The following RBFOX1 variants were observed in gnomAD, a reference collection of about 807,000 sequenced individuals.
The protein encoded by RBFOX1 is RNA binding fox-1 homolog 1.
Under a neutral mutation model 57.7 loss-of-function variants are expected in RBFOX1, and 8 were observed. The ratio of observed to expected loss-of-function variants is 0.14; its 90% CI spans 0.08 to 0.25. The LOEUF (loss-of-function observed/expected upper bound fraction) is 0.25. RBFOX1 is among the 10% of genes least tolerant of loss of function. The pLI, the probability that RBFOX1 is intolerant of heterozygous loss-of-function variation, is 1.00. For missense variants in RBFOX1, 611 were observed against 548.5 expected, an observed-to-expected ratio of 1.11 and a Z score of -1.14; for synonymous variants, 326 against 222.4, an observed-to-expected ratio of 1.47 and a Z score of -4.15.
chr16:6,627,070 C>A (rs1012071033), intron 2 of RBFOX1, among the ~76,000 whole-genome samples: 1 of 152,216 alleles, frequency 6.6e-6, no homozygotes, highest in East Asian at 1.9e-4. Flanking sequence ...CTAGTCCTGG[C>A]GGTCTGGCTC....
At chr16:7,454,542 T>C (rs1170648664) in intron 4 of RBFOX1, among the ~76,000 whole-genome samples, 2 of 152,136 alleles carry the variant, frequency 1.3e-5, no homozygotes, top group Non-Finnish European at 2.9e-5. Context: ...TGTGAGAAAG[T>C]GTAAACTGAA....
At chr16:6,788,930 C>T (rs1176317951) in intron 3 of RBFOX1, among the ~76,000 whole-genome samples, 2 of 152,104 alleles carry the variant, frequency 1.3e-5, no homozygotes, top group Non-Finnish European at 2.9e-5. Flanking sequence ...GCCAACTTCC[C>T]GAGTTCCTCC....
rs1000085117 is a variant in RBFOX1, at chr16:7,616,464, A to G, written c.676+9126A>G. On this transcript the variant is annotated intron_variant, in intron 10 of 15. Transcript: ENST00000550418. ...CAACTCTCAAACCTCAGCCCATGCT[A>G]TGGAGGTGTGAGGAACAGGAATTCA... Among the ~76,000 whole-genome samples, 12 of 152,350 alleles carry G rather than the reference A, an allele frequency of 7.9e-5. No homozygotes were observed. The Middle Eastern group carries it at 0.01, about 130-fold the overall frequency.
intron 4 of RBFOX1, among the ~76,000 whole-genome samples, chr16:7,486,166 A>C (rs1466090957): frequency 1.7e-5 from 2 of 117,904 alleles, no homozygotes; most frequent in African/African-American, 6.6e-5. Flanking sequence ...TTTGTTGGCC[A>C]GGCTGGAGTG....
chr16:5,287,870 A>C (rs1415978232), intron 1 of RBFOX1, among the ~76,000 whole-genome samples: 1 of 152,232 alleles, frequency 6.6e-6, no homozygotes, highest in Non-Finnish European at 1.5e-5. Flanking sequence ...CAAATGGCAG[A>C]GTCTTGGATG....
intron 2 of RBFOX1, among the ~76,000 whole-genome samples, chr16:6,502,062 T>C (rs767589427): frequency 1.3e-5 from 2 of 152,174 alleles, no homozygotes; most frequent in Admixed American, 6.5e-5. Context: ...TTTCCTAGTT[T>C]CCAGGGAATG....
chr16:6,372,106 G>A (rs977227924), intron 2 of RBFOX1, among the ~76,000 whole-genome samples: 3 of 152,044 alleles, frequency 2.0e-5, no homozygotes, highest in South Asian at 2.1e-4. Flanking sequence ...GTGGAGATTC[G>A]ATGGAAAAGT....
At chr16:6,652,408 A>C (rs1179236977) in intron 2 of RBFOX1, among the ~76,000 whole-genome samples, 1 of 151,992 alleles carries the variant, frequency 6.6e-6, no homozygotes, top group East Asian at 1.9e-4. Context: ...AGATCTCGCC[A>C]CTGCACTCCA....
chr16:5,651,895 G>C (rs1000025130), intron 3 of RBFOX1, among the ~76,000 whole-genome samples: 1 of 152,162 alleles, frequency 6.6e-6, no homozygotes, highest in African/African-American at 2.4e-5. Flanking sequence ...GCATTCGGAA[G>C]GCCAAGGCAG....
intron 4 of RBFOX1, among the ~76,000 whole-genome samples, chr16:7,053,633 C>T (rs1394139484): frequency 2.0e-5 from 3 of 152,084 alleles, no homozygotes; most frequent in Admixed American, 6.6e-5. Context: ...TAATGAAGGA[C>T]CTGTTTGCAT....
intron 1 of RBFOX1, among the ~76,000 whole-genome samples, chr16:5,285,365 A>T (rs913337872): frequency 1.3e-5 from 2 of 151,650 alleles, no homozygotes; most frequent in African/African-American, 4.8e-5. Context: ...TGTTTTCCTG[A>T]TTTTTTTGTA....
rs889487802 is a variant in RBFOX1 at position 6,097,082 on chromosome 16, G to A, written c.-127+77090G>A. Among the ~76,000 whole-genome samples, 2 of 152,076 alleles carry A rather than the reference G, an allele frequency of 1.3e-5. No homozygotes were observed. The highest frequency in any genetic ancestry group is 2.4e-5 in the African/African-American group (1 of 41,410). ...GTTTCCCCCATACTGTTGTCATGGT[G>A]GTGAGTAAGTCTTACTAGATCTGAT... On this transcript the variant is annotated intron_variant, in intron 1 of 15. Transcript: ENST00000550418. The surrounding 1 kb of genome is among the most constrained non-coding windows in gnomAD (Gnocchi z 5.0).
intron 4 of RBFOX1, among the ~76,000 whole-genome samples, chr16:7,144,672 AT>A (rs1386815335): frequency 6.6e-6 from 1 of 152,024 alleles, no homozygotes; most frequent in East Asian, 1.9e-4. Flanking sequence ...TCATTAAATG[AT>A]GGTTTTCACT....
chr16:6,628,288 C>T (rs17664902), intron 2 of RBFOX1, among the ~76,000 whole-genome samples: 5,959 of 152,262 alleles, frequency 0.039, 164 homozygotes, highest in Non-Finnish European at 0.046. Flanking sequence ...ACTGCTTTCC[C>T]GTTAACGGTT....
At chr16:5,640,159 C>T (rs1045519665) in intron 3 of RBFOX1, among the ~76,000 whole-genome samples, 3 of 152,152 alleles carry the variant, frequency 2.0e-5, no homozygotes, top group Non-Finnish European at 4.4e-5. Context: ...GACTGGGGCC[C>T]CTTCCTCAGC....
intron 1 of RBFOX1, among the ~76,000 whole-genome samples, chr16:5,411,671 G>A (rs1048138523): frequency 6.6e-6 from 1 of 152,034 alleles, no homozygotes; most frequent in Non-Finnish European, 1.5e-5. Flanking sequence ...AGGCCGAGGT[G>A]GGAGGATTGC....
At chr16:6,859,369 TCAAA>T (rs1444252763) in intron 3 of RBFOX1, among the ~76,000 whole-genome samples, 2 of 151,762 alleles carry the variant, frequency 1.3e-5, no homozygotes, top group Non-Finnish European at 2.9e-5. Context: ...TCTGTTCTCC[TCAAA>T]CAGATGACGC....
chr16:5,765,013 C>G (rs936702472), intron 3 of RBFOX1, among the ~76,000 whole-genome samples: 1 of 152,090 alleles, frequency 6.6e-6, no homozygotes, highest in African/African-American at 2.4e-5. Context: ...TCGCAGGGTA[C>G]CTGATACTGT....
intron 2 of RBFOX1, among the ~76,000 whole-genome samples, chr16:6,398,167 T>G (rs1052491335): frequency 7.2e-5 from 11 of 152,092 alleles, no homozygotes; most frequent in African/African-American, 2.7e-4. Flanking sequence ...TCATGAGAAC[T>G]CACCATCATG....
Sources: gnomAD v4.1 joint callset for allele counts (sites outside exome capture counted in the v4.1 genomes callset) on GRCh38, gnomAD v4.1.1 for gene constraint, Gnocchi (gnomAD v3.1) non-coding constraint, MANE v1.5 for transcripts, NCBI Gene and HGNC (gene_info 2026-07-23, HGNC 2026-07-21) for gene names.